ITGB4: variants seen among roughly 807,000 people sequenced by gnomAD.
ITGB4 encodes integrin beta-4.
A neutral mutation model predicts 207.6 loss-of-function variants in ITGB4; 159 were observed. The ratio of observed to expected loss-of-function variants is 0.77; its 90% CI spans 0.67 to 0.87. ITGB4 has a LOEUF of 0.87. ITGB4 is among the 40% of genes least tolerant of loss of function. The pLI is 0.00. For synonymous variants in ITGB4, 1,020 were observed against 1,062.7 expected, an observed-to-expected ratio of 0.96 and a Z score of 0.78; for missense variants, 2,278 against 2,546.8, an observed-to-expected ratio of 0.89 and a Z score of 2.27.
rs777044389 is a variant in ITGB4, at chr17:75,756,850, CAAG to C, written c.5045_5047del (p.Gln1682_Gly1683delinsArg). The stretch of plus-strand genomic sequence containing the variant: ...CTACCTGGTGACCTGTGAGATGGCC[CAAG>C]GAGGAGGTGCTGCCCACCCCGGGGG... On this transcript the variant is annotated inframe_deletion, in exon 37 of 40. Coordinates refer to ENST00000200181, the MANE Select transcript of ITGB4 (RefSeq NM_000213.5). 7.4e-6 allele frequency: 12 copies of C among 1,612,296 alleles called. No homozygotes were observed. In the East Asian group the frequency reaches 2.5e-4, roughly 33 times the overall value.
At position 75,733,654 on chromosome 17, in the gene ITGB4, A is replaced by G; in HGVS notation, c.1619A>G (p.Asn540Ser). ...RYEGQFCEYD[N>S]FQCPRTSGFL... is the part of the protein sequence containing the mutation. ...GAGGGTCAGTTCTGCGAGTATGACA[A>G]CTTCCAGTGTCCCCGCACTTCCGGG... The change falls in exon 13 of 40, where the codon AAC (asparagine) becomes AGC (serine). Residue 540 changes from asparagine (N) to serine (S), a missense_variant. By Grantham distance (46) the Asn-to-Ser change is conservative. Coordinates refer to ENST00000200181, the MANE Select transcript of ITGB4 (RefSeq NM_000213.5). 1 of 1,614,212 alleles carries G rather than the reference A, an allele frequency of 6.2e-7. No individual in the cohort carries two copies. The highest frequency in any genetic ancestry group is 1.1e-5 in the South Asian group (1 of 91,092).
Position 75,756,565 on chromosome 17 carries a change from C to T in ITGB4, c.4845C>T (p.Val1615=). Residue 1615 remains valine, a synonymous_variant, in exon 36 of 40, where the codon GTC becomes GTT. Coordinates refer to ENST00000200181, the MANE Select transcript of ITGB4 (RefSeq NM_000213.5). Reference sequence around the variant, plus strand: ...GCTGGGGCCGAGAGCGTGAGGGTGTCATCACCATTGAATCCCAGGTGCACC... The same window carrying T: ...GCTGGGGCCGAGAGCGTGAGGGTGTTATCACCATTGAATCCCAGGTGCACC... ...QEGWGREREG[V]ITIESQVHPQ... is the part of the protein sequence containing the mutation. The T allele has an allele frequency of 1.9e-6, 3 of 1,613,216 alleles. No homozygotes were observed. Among genetic ancestry groups the T allele is most frequent in the Non-Finnish European group, 2.5e-6 (3 of 1,180,010 alleles).
Position 75,729,369 on chromosome 17 carries a change from G to A in ITGB4, c.671G>A (p.Arg224Gln), listed in dbSNP as rs147952722. The change falls in exon 7 of 40, where the codon CGG becomes CAG. Residue 224 changes from arginine to glutamine, a missense_variant. Physicochemically the swap from Arg to Gln is conservative, Grantham distance 43. Transcript: ENST00000200181. This position sits in a 1 kb window ranked among gnomAD's most constrained non-coding sequence, Gnocchi z 4.4. ...TTCCGGAATAAACTGCAGGGAGAGC[G>A]GATCTCAGGCAACCTGGATGCTCCT... The part of the protein sequence containing the change: ...DEFRNKLQGE[R>Q]ISGNLDAPEG... 37 of 1,614,040 alleles carry A rather than the reference G, an allele frequency of 2.3e-5. No homozygotes were observed. Among genetic ancestry groups the A allele is most frequent in the African/African-American group, 1.1e-4 (8 of 74,910 alleles).
chr17:75,732,317 C>T lies in ITGB4; in HGVS notation c.1454+78C>T. ...AAGCTGGGCTCCTGCAGGGGCCTGG[C>T]CCTGGGTGCACCTTGTACACCTGGC... On this transcript the variant is annotated intron_variant, in intron 12 of 39. Coordinates refer to ENST00000200181, the MANE Select transcript of ITGB4 (RefSeq NM_000213.5). This position sits in a 1 kb window ranked among gnomAD's most constrained non-coding sequence, Gnocchi z 5.3. The T allele has an allele frequency of 1.4e-6, 2 of 1,397,586 alleles. No individual in the cohort carries two copies. Among genetic ancestry groups the T allele is most frequent in the South Asian group, 1.2e-5 (1 of 86,550 alleles). The allele number at this position is 1,397,586 out of a possible 1,614,324, so 86.6% of individuals were successfully genotyped here. A position where few individuals can be genotyped will look rare whatever the true frequency, so the allele number is the denominator to read the frequency against.
rs1300395691 is a variant in ITGB4 at position 75,728,695 on chromosome 17, C to A, written c.566+222C>A. 2.0e-5 allele frequency among the ~76,000 whole-genome samples: 3 copies of A among 152,040 alleles called. No homozygotes were observed. The South Asian group carries it at 6.2e-4, about 32-fold the overall frequency. On this transcript the variant is annotated intron_variant, in intron 6 of 39. Coordinates refer to ENST00000200181, the MANE Select transcript of ITGB4 (RefSeq NM_000213.5). ...AAAACCCCATCTCTACTAAAAAATACAAAAATTGGCTGGGCGCGGTGGTTC... is the reference window on the plus strand; with the variant it reads ...AAAACCCCATCTCTACTAAAAAATAAAAAAATTGGCTGGGCGCGGTGGTTC...
chr17:75,724,154 C>T (rs2060670518), intron 1 of ITGB4, among the ~76,000 whole-genome samples: 1 of 152,208 alleles, frequency 6.6e-6, no homozygotes. Context: ...GAACCCAACC[C>T]GGTGCAGTAA....
At chr17:75,736,461 C>G in intron 15 of ITGB4, 75 bp downstream of exon 15, 1 of 1,609,586 alleles carries the variant, frequency 6.2e-7, no homozygotes. Context: ...AGGGGCTAAG[C>G]CTGATGCCAC....
chr17:75,752,653 G>A (rs2061396187), intron 32 of ITGB4, 76 bp downstream of exon 32: 1 of 1,576,692 alleles, frequency 6.3e-7, no homozygotes, highest in Non-Finnish European at 8.7e-7. Context: ...GTCCAGAGAG[G>A]GCAAAGGGGC....
At chr17:75,733,302 C>T (rs2060902461) in intron 12 of ITGB4, among the ~76,000 whole-genome samples, 188 bp from the exon 13 acceptor site, 1 of 151,336 alleles carries the variant, frequency 6.6e-6, no homozygotes, top group Non-Finnish European at 1.5e-5. Context: ...AGGAGAATGG[C>T]GTGAACCCAA....
At chr17:75,746,940 A>C (rs2061246457) in intron 26 of ITGB4, among the ~76,000 whole-genome samples, 1 of 151,882 alleles carries the variant, frequency 6.6e-6, no homozygotes, top group Non-Finnish European at 1.5e-5. Flanking sequence ...AAAAAAAAAA[A>C]AAAAAAAAAA....
rs536617976 is a variant in ITGB4, at chr17:75,755,284, C to G, written c.4559-417C>G. ...TCTGTCATCCAGCCACCATAGCAGC[C>G]GCCAGCTGTGCCCACTGCTTCCCCT... On this transcript the variant is annotated intron_variant, in intron 34 of 39. Coordinates refer to ENST00000200181, the MANE Select transcript of ITGB4 (RefSeq NM_000213.5). 2.0e-6 allele frequency: 3 copies of G among 1,504,004 alleles called. No homozygotes were observed. In the South Asian group the frequency reaches 3.6e-5, roughly 18 times the overall value. The allele number at this position is 1,504,004 out of a possible 1,614,324, so 93.2% of individuals were successfully genotyped here.
Position 75,730,937 on chromosome 17 carries a change from C to G in ITGB4, c.1065C>G (p.Ile355Met). ...LGVLQEDSSN[I>M]VELLEEAFNR... ...TGCTGCAGGAGGACTCGTCCAACAT[C>G]GTGGAGCTGCTGGAGGAGGCCTTCA... is the stretch of plus-strand genomic sequence containing the variant. Residue 355 changes from isoleucine (I) to methionine (M), a missense_variant, in exon 9 of 40, where the codon ATC (isoleucine) becomes ATG (methionine). By Grantham distance (10) the Ile-to-Met change is conservative (BLOSUM62 1). Coordinates refer to ENST00000200181, the MANE Select transcript of ITGB4 (RefSeq NM_000213.5). 2 of 1,613,802 alleles carry G rather than the reference C, an allele frequency of 1.2e-6. No homozygotes were observed. The highest frequency in any genetic ancestry group is 8.5e-7 in the Non-Finnish European group (1 of 1,179,912).
At position 75,750,342 on chromosome 17, in the gene ITGB4, G is replaced by C. The variant is rs1232969827; in HGVS notation, c.3474+74G>C. 6.7e-7 allele frequency: 1 copy of C among 1,490,978 alleles called. No individual in the cohort carries two copies. Among genetic ancestry groups the C allele is most frequent in the Non-Finnish European group, 9.1e-7 (1 of 1,101,142 alleles). 92.4% of individuals were successfully genotyped at this position (1,490,978 alleles called of 1,614,324 possible). A position where few individuals can be genotyped will look rare whatever the true frequency, so the allele number is the denominator to read the frequency against. On this transcript the variant is annotated intron_variant, in intron 28 of 39. Transcript: ENST00000200181. This position sits in a 1 kb window ranked among gnomAD's most constrained non-coding sequence, Gnocchi z 5.5. ...CCAGCACTCACAGAAGAGGTGGGCC[G>C]TCCAAGGCCAGGGCCCCCTGAGAGA... is the stretch of plus-strand genomic sequence containing the variant.
intron 26 of ITGB4, chr17:75,746,247 A>AT (rs60143321): frequency 0.088 from 13,227 of 150,754 alleles, 1,170 homozygotes; most frequent in East Asian, 0.35. Context: ...CTAATTTTGT[A>AT]TTTTTTTTTC....
In ITGB4 at chr17:75,731,252, C is replaced by G. The variant is rs779037959; in HGVS notation, c.1099C>G (p.Arg367Gly). The change falls in exon 10 of 40, where the codon CGC (arginine) becomes GGC (glycine). Residue 367 changes from arginine (R) to glycine (G), a missense_variant. Arg to Gly is a moderately radical substitution (Grantham distance 125). Transcript: ENST00000200181. This position sits in a 1 kb window ranked among gnomAD's most constrained non-coding sequence, Gnocchi z 6.8. ...AACCTCCTTCCTCCTTTAGCGGATC[C>G]GCTCCAACCTGGACATCCGGGCCCT... Reference protein sequence around the residue: ...ELLEEAFNRIRSNLDIRALDS... With the variant: ...ELLEEAFNRIGSNLDIRALDS... The G allele has an allele frequency of 6.2e-7, 1 of 1,613,282 alleles. No homozygotes were observed. The highest frequency in any genetic ancestry group is 2.2e-5 in the East Asian group (1 of 44,876).
At position 75,750,127 on chromosome 17, in the gene ITGB4, C is replaced by A; in HGVS notation, c.3333C>A (p.Ser1111Arg). 1 of 1,613,690 alleles carries A rather than the reference C, an allele frequency of 6.2e-7. No homozygotes were observed. The highest frequency in any genetic ancestry group is 8.5e-7 in the Non-Finnish European group (1 of 1,180,030). Residue 1111 changes from serine (S) to arginine (R), a missense_variant, in exon 28 of 40, where the codon AGC (serine) becomes AGA (arginine). By Grantham distance (110) the Ser-to-Arg change is moderately radical. Coordinates refer to ENST00000200181, the MANE Select transcript of ITGB4 (RefSeq NM_000213.5). This position sits in a 1 kb window ranked among gnomAD's most constrained non-coding sequence, Gnocchi z 5.5. ...ACCCGTTAGATGAACTGGACCGGAG[C>A]TTCACGAGTCAGATGTTGTCATCAC... is the stretch of plus-strand genomic sequence containing the variant. ...IIRDPDELDRSFTSQMLSSQP... is the reference protein window; with the variant it reads ...IIRDPDELDRRFTSQMLSSQP...
chr17:75,752,266 T>C lies in ITGB4; in HGVS notation c.3886T>C (p.Tyr1296His). Residue 1296 changes from tyrosine (Y) to histidine (H), a missense_variant, in exon 31 of 40, where the codon TAC becomes CAC. Tyr to His is a moderately conservative substitution (Grantham distance 83). Coordinates refer to ENST00000200181, the MANE Select transcript of ITGB4 (RefSeq NM_000213.5). ...ENLRESQPYR[Y>H]TVKARNGAGW... ...CCTTCGGGAGTCCCAGCCCTACCGCTACACGGTGAAGGCGCGCAACGGGGC... is the reference window on the plus strand; with the variant it reads ...CCTTCGGGAGTCCCAGCCCTACCGCCACACGGTGAAGGCGCGCAACGGGGC... The C allele has an allele frequency of 6.2e-7, 1 of 1,613,504 alleles. No homozygotes were observed. Among genetic ancestry groups the C allele is most frequent in the South Asian group, 1.1e-5 (1 of 91,086 alleles).
chr17:75,753,134 A>G (rs1451991052), intron 32 of ITGB4, among the ~76,000 whole-genome samples: 2 of 152,234 alleles, frequency 1.3e-5, no homozygotes, highest in East Asian at 3.9e-4. Context: ...TGGGATACCA[A>G]TCACACAGTA....
chr17:75,739,190 G>C lies in ITGB4; in HGVS notation c.2221-482G>C, dbSNP rs902324702. 6.6e-6 allele frequency among the ~76,000 whole-genome samples: 1 copy of C among 150,620 alleles called. No homozygotes were observed. The highest frequency in any genetic ancestry group is 2.4e-5 in the African/African-American group (1 of 40,888). On this transcript the variant is annotated intron_variant, in intron 18 of 39. Transcript: ENST00000200181. The surrounding 1 kb of genome is among the most constrained non-coding windows in gnomAD (Gnocchi z 5.4). ...GATGCCTATAATCCCAGTTACTAGG[G>C]GGGCTGAGGCAGGAGAATTGCTTGA...
Sources: gnomAD v4.1 joint callset for allele counts (sites outside exome capture counted in the v4.1 genomes callset) on GRCh38, gnomAD v4.1.1 for gene constraint, Gnocchi (gnomAD v3.1) non-coding constraint, MANE v1.5 for transcripts, NCBI Gene and HGNC (gene_info 2026-07-23, HGNC 2026-07-21) for gene names.